Variants in TNFRSF1B observed in about 807,000 individuals in gnomAD.
The protein encoded by TNFRSF1B is TNF receptor superfamily member 1B, also known as tumor necrosis factor receptor superfamily member 1B.
Under a neutral mutation model 44.6 loss-of-function variants are expected in TNFRSF1B, and 19 were observed. That is an observed-to-expected ratio of 0.43 (90% CI 0.30 to 0.62). The LOEUF (loss-of-function observed/expected upper bound fraction) is 0.62, where lower values mean the gene tolerates loss of function less well. Ranked by LOEUF, TNFRSF1B falls within the 20% of genes least tolerant of loss-of-function variation. The pLI is 0.16. For synonymous variants in TNFRSF1B, 252 were observed against 261.1 expected (o/e 0.97, Z 0.34); for missense variants, 541 against 619.9 (o/e 0.87, Z 1.35).
At chr1:12,201,864 A>G in intron 8 of TNFRSF1B, 103 bp from the exon 9 acceptor site, 1 of 1,430,486 alleles carries the variant, frequency 7.0e-7, no homozygotes, top group African/African-American at 1.4e-5. Flanking sequence ...TAAACTGAGA[A>G]GTGCTGATGG....
intron 1 of TNFRSF1B, among the ~76,000 whole-genome samples, chr1:12,185,094 C>T (rs935270391): frequency 7.9e-5 from 12 of 151,888 alleles, no homozygotes; most frequent in Admixed American, 2.6e-4. Flanking sequence ...GACCCTCTGC[C>T]GCAGTTAGTA....
chr1:12,179,371 T>C (rs1222263193), intron 1 of TNFRSF1B, among the ~76,000 whole-genome samples: 2 of 152,202 alleles, frequency 1.3e-5, no homozygotes, highest in Non-Finnish European at 2.9e-5. Flanking sequence ...CTGCAGTCCA[T>C]GGGGCTCCTG....
At chr1:12,172,611 CCTGT>C (rs1638546688) in intron 1 of TNFRSF1B, among the ~76,000 whole-genome samples, 1 of 152,176 alleles carries the variant, frequency 6.6e-6, no homozygotes, top group Non-Finnish European at 1.5e-5. Flanking sequence ...GCCCAGAGTT[CCTGT>C]CTAAGTGGCT....
rs751575604 is a variant in TNFRSF1B at position 12,191,742 on chromosome 1, C to T, written c.308-32C>T. ...GCAGCGTGGGTGTGGCGGAGGCAGG[C>T]GTGACCGTTTGCCGCCCTCTCGCTG... On this transcript the variant is annotated intron_variant, in intron 3 of 9. Coordinates refer to ENST00000376259, the MANE Select transcript of TNFRSF1B (RefSeq NM_001066.3). 5.0e-6 allele frequency: 8 copies of T among 1,611,258 alleles called. No individual in the cohort carries two copies. The Admixed American group carries it at 5.0e-5, about 10-fold the overall frequency.
intron 2 of TNFRSF1B, 88 bp downstream of exon 2, chr1:12,188,983 T>C: frequency 8.6e-7 from 1 of 1,163,834 alleles, no homozygotes; most frequent in South Asian, 1.4e-5. Flanking sequence ...TAGCCCTTGA[T>C]TCTTACTGAA....
intron 8 of TNFRSF1B, 60 bp from the exon 9 acceptor site, chr1:12,201,907 G>T: frequency 6.6e-7 from 1 of 1,519,470 alleles, no homozygotes; most frequent in Non-Finnish European, 8.9e-7. Flanking sequence ...GAAGGAAGAG[G>T]GGAAGAAAGA....
intron 1 of TNFRSF1B, among the ~76,000 whole-genome samples, chr1:12,182,318 C>CCG: frequency 6.6e-6 from 1 of 152,258 alleles, no homozygotes; most frequent in Non-Finnish European, 1.5e-5. Context: ...CCTCACCCAC[C>CCG]CGCTCTGGGC....
rs1177189995 is a variant in TNFRSF1B at position 12,191,931 on chromosome 1, G to A, written c.457+8G>A. On this transcript the variant is annotated splice_region_variant and intron_variant, in intron 4 of 9. Transcript: ENST00000376259. ...TCGGCGTGGCCAGACCAGGTACGGG[G>A]TGGGGCTCAGGTCCTTGGGGACGCC... 6.2e-7 allele frequency: 1 copy of A among 1,606,956 alleles called. No homozygotes were observed. Among genetic ancestry groups the A allele is most frequent in the South Asian group, 1.1e-5 (1 of 90,526 alleles).
rs1200425001 is a variant in TNFRSF1B, at chr1:12,199,879, G to T, written c.901-2088G>T. On this transcript the variant is annotated intron_variant, in intron 8 of 9. Coordinates refer to ENST00000376259, the MANE Select transcript of TNFRSF1B (RefSeq NM_001066.3). This position sits in a 1 kb window ranked among gnomAD's most constrained non-coding sequence, Gnocchi z 4.0. ...AGGGCAGCTGTTGGGAATGTGGCCT[G>T]TGCCATCTCCTTTTTTGCTGGGATC... 6.6e-6 allele frequency among the ~76,000 whole-genome samples: 1 copy of T among 152,206 alleles called. No homozygotes were observed. The highest frequency in any genetic ancestry group is 6.5e-5 in the Admixed American group (1 of 15,276).
At chr1:12,196,801 T>C (rs1429321773) in intron 8 of TNFRSF1B, among the ~76,000 whole-genome samples, 2 of 152,202 alleles carry the variant, frequency 1.3e-5, no homozygotes, top group East Asian at 1.9e-4. Context: ...CCTGGTGGCG[T>C]GCGTAGAGCA....
At position 12,191,892 on chromosome 1, in the gene TNFRSF1B, G is replaced by C. The variant is rs201949042; in HGVS notation, c.426G>C (p.Lys142Asn). ...EGCRLCAPLRKCRPGFGVARP... is the reference protein window; with the variant it reads ...EGCRLCAPLRNCRPGFGVARP... ...GCCGGCTGTGCGCGCCGCTGCGCAA[G>C]TGCCGCCCGGGCTTCGGCGTGGCCA... The change falls in exon 4 of 10, where the codon AAG (lysine) becomes AAC (asparagine). Residue 142 changes from lysine (K) to asparagine (N), a missense_variant. By Grantham distance (94) the Lys-to-Asn change is moderately conservative. Transcript: ENST00000376259. 6.2e-7 allele frequency: 1 copy of C among 1,609,924 alleles called. No individual in the cohort carries two copies. The highest frequency in any genetic ancestry group is 2.2e-5 in the East Asian group (1 of 44,818).
At position 12,171,728 on chromosome 1, in the gene TNFRSF1B, CCTCTACTTATTGGATGGCAGTAGCG is replaced by C. The variant is rs1638528304; in HGVS notation, c.78+4561_78+4585del. Among the ~76,000 whole-genome samples, 1 of 152,138 alleles carries C rather than the reference CCTCTACTTATTGGATGGCAGTAGCG, an allele frequency of 6.6e-6. No homozygotes were observed. The highest frequency in any genetic ancestry group is 1.5e-5 in the Non-Finnish European group (1 of 68,036). ...GTAGGATGTTTAGCGACATCCCTGG[CCTCTACTTATTGGATGGCAGTAGCG>C]CCACCCTCCCTCGTGACAAAAATAT... On this transcript the variant is annotated intron_variant, in intron 1 of 9. Coordinates refer to ENST00000376259, the MANE Select transcript of TNFRSF1B (RefSeq NM_001066.3). This position sits in a 1 kb window ranked among gnomAD's most constrained non-coding sequence, Gnocchi z 4.5.
In TNFRSF1B at chr1:12,183,736, T is replaced by C. The variant is rs574091180; in HGVS notation, c.79-5060T>C. The stretch of plus-strand genomic sequence containing the variant: ...TTCTATCTACCTATCTATCTATCTA[T>C]CTATCTATCTATCTAGCTAGCTAGC... On this transcript the variant is annotated intron_variant, in intron 1 of 9. Transcript: ENST00000376259. Among the ~76,000 whole-genome samples the C allele has an allele frequency of 3.8e-3, 484 of 126,628 alleles. 3 individuals carry two copies. The highest frequency in any genetic ancestry group is 8.6e-3 in the Middle Eastern group (2 of 232). 83.1% of individuals were successfully genotyped at this position (126,628 alleles called of 152,430 possible).
At chr1:12,198,691 G>T (rs867768450) in intron 8 of TNFRSF1B, among the ~76,000 whole-genome samples, 116 of 85,584 alleles carry the variant, frequency 1.4e-3, no homozygotes, top group Non-Finnish European at 1.6e-3. Flanking sequence ...CTGGAATTCT[G>T]TTTTTTTTTT....
At chr1:12,198,246 T>C (rs1639312695) in intron 8 of TNFRSF1B, among the ~76,000 whole-genome samples, 3 of 152,022 alleles carry the variant, frequency 2.0e-5, no homozygotes, top group Admixed American at 2.0e-4. Context: ...GTTGAACGGA[T>C]GCCAGGCACT....
chr1:12,188,822 G>A lies in TNFRSF1B; in HGVS notation c.105G>A (p.Glu35=), dbSNP rs1377455506. Residue 35 remains glutamate, a synonymous_variant, in exon 2 of 10, where the codon GAG becomes GAA. Coordinates refer to ENST00000376259, the MANE Select transcript of TNFRSF1B (RefSeq NM_001066.3). ...TGGCATTTACACCCTACGCCCCGGA[G>A]CCCGGGAGCACATGCCGGCTCAGAG... The part of the protein sequence containing the change: ...AQVAFTPYAP[E]PGSTCRLREY... The A allele has an allele frequency of 3.7e-6, 6 of 1,613,874 alleles. No individual in the cohort carries two copies. Among genetic ancestry groups the A allele is most frequent in the Non-Finnish European group, 4.2e-6 (5 of 1,179,876 alleles).
At chr1:12,197,856 T>C (rs930741750) in intron 8 of TNFRSF1B, among the ~76,000 whole-genome samples, 1 of 152,174 alleles carries the variant, frequency 6.6e-6, no homozygotes, top group Admixed American at 6.5e-5. Context: ...CCGGGCGCCA[T>C]GGCTCACGCC....
At position 12,169,289 on chromosome 1, in the gene TNFRSF1B, C is replaced by A. The variant is rs893067902; in HGVS notation, c.78+2120C>A. Among the ~76,000 whole-genome samples the A allele has an allele frequency of 6.6e-6, 1 of 152,198 alleles. No homozygotes were observed. Among genetic ancestry groups the A allele is most frequent in the Non-Finnish European group, 1.5e-5 (1 of 68,034 alleles). ...GGTTCCTCTTCCTTCTCATCAGTAG[C>A]ATCGCCATAGCTCCTGATTTCTGAA... On this transcript the variant is annotated intron_variant, in intron 1 of 9. Transcript: ENST00000376259. The surrounding 1 kb of genome is among the most constrained non-coding windows in gnomAD (Gnocchi z 4.5).
In TNFRSF1B at chr1:12,186,418, C is replaced by T. The variant is rs1570147476; in HGVS notation, c.79-2378C>T. Among the ~76,000 whole-genome samples, 2 of 152,344 alleles carry T rather than the reference C, an allele frequency of 1.3e-5. No homozygotes were observed. The highest frequency in any genetic ancestry group is 2.4e-5 in the African/African-American group (1 of 41,574). On this transcript the variant is annotated intron_variant, in intron 1 of 9. Coordinates refer to ENST00000376259, the MANE Select transcript of TNFRSF1B (RefSeq NM_001066.3). The surrounding 1 kb of genome is among the most constrained non-coding windows in gnomAD (Gnocchi z 4.8). The stretch of plus-strand genomic sequence containing the variant: ...GCACTGGCCCAGCGGTGCTGGGTGT[C>T]GTGACTGGTGTCTGCTCTGACTGGC...
Sources: gnomAD v4.1 joint callset for allele counts (sites outside exome capture counted in the v4.1 genomes callset) on GRCh38, gnomAD v4.1.1 for gene constraint, Gnocchi (gnomAD v3.1) non-coding constraint, MANE v1.5 for transcripts, NCBI Gene and HGNC (gene_info 2026-07-23, HGNC 2026-07-21) for gene names.